The following CCBE1 variants were observed in gnomAD, a reference collection of about 807,000 sequenced individuals.
CCBE1 encodes collagen and calcium-binding EGF domain-containing protein 1.
Under a neutral mutation model 50.0 loss-of-function variants are expected in CCBE1, and 37 were observed. The ratio of observed to expected loss-of-function variants is 0.74; its 90% CI spans 0.57 to 0.97. The LOEUF (loss-of-function observed/expected upper bound fraction) is 0.97. CCBE1 is among the 50% of genes least tolerant of loss of function. CCBE1 has a pLI of 0.00. For missense variants in CCBE1, 538 were observed against 523.8 expected, an observed-to-expected ratio of 1.03 and a Z score of -0.26; for synonymous variants, 234 against 203.7, an observed-to-expected ratio of 1.15 and a Z score of -1.27.
chr18:59,670,125 G>A (rs1229486512), intron 2 of CCBE1, among the ~76,000 whole-genome samples: 1 of 148,816 alleles, frequency 6.7e-6, no homozygotes, highest in Non-Finnish European at 1.5e-5. Context: ...CAGAAAGCAG[G>A]AGGGGGTGGG....
At chr18:59,551,203 A>G (rs1915917998) in intron 2 of CCBE1, among the ~76,000 whole-genome samples, 1 of 152,148 alleles carries the variant, frequency 6.6e-6, no homozygotes, top group African/African-American at 2.4e-5. Flanking sequence ...GCTGTGGCCT[A>G]TGCTCTCAGG....
At chr18:59,697,536 ATC>A (rs145151709), upstream of CCBE1, 222 of 706,892 alleles carry the variant, frequency 3.1e-4, no homozygotes, top group African/African-American at 3.9e-3. Context: ...GAGTTGGGGT[ATC>A]GGATGCAAAC....
intron 6 of CCBE1, among the ~76,000 whole-genome samples, chr18:59,453,752 TAAAC>T (rs765154851): frequency 4.7e-4 from 72 of 152,274 alleles, no homozygotes; most frequent in Non-Finnish European, 9.3e-4. Context: ...TGGAAGCCGT[TAAAC>T]AAACAAAACA....
intron 2 of CCBE1, among the ~76,000 whole-genome samples, chr18:59,578,345 G>C (rs1268723250): frequency 1.3e-5 from 2 of 152,162 alleles, no homozygotes; most frequent in African/African-American, 4.8e-5. Flanking sequence ...TTACACTGTT[G>C]GTGGGAGTGT....
At chr18:59,458,182 A>ATCCATCTTCCCATCCAT (rs371639385) in intron 5 of CCBE1, among the ~76,000 whole-genome samples, 1 of 151,910 alleles carries the variant, frequency 6.6e-6, no homozygotes, top group African/African-American at 2.4e-5. Flanking sequence ...CCATCCTTCC[A>ATCCATCTTCCCATCCAT]TCCATCTTCC....
At chr18:59,572,230 A>C (rs1203872737) in intron 2 of CCBE1, among the ~76,000 whole-genome samples, 1 of 152,204 alleles carries the variant, frequency 6.6e-6, no homozygotes, top group African/African-American at 2.4e-5. Flanking sequence ...TCAATCCCTC[A>C]ATCAGCTTGC....
intron 2 of CCBE1, among the ~76,000 whole-genome samples, chr18:59,664,937 C>T (rs528791482): frequency 2.6e-5 from 4 of 152,170 alleles, no homozygotes; most frequent in Admixed American, 1.3e-4. Flanking sequence ...AAAGACTGAT[C>T]AACAGGCAGA....
chr18:59,587,882 A>G (rs1264573714), intron 2 of CCBE1, among the ~76,000 whole-genome samples: 4 of 152,224 alleles, frequency 2.6e-5, no homozygotes, highest in Non-Finnish European at 5.9e-5. Context: ...AGAGGCAACA[A>G]ATGAATTTTT....
rs1910139881 is a variant in CCBE1 at position 59,436,048 on chromosome 18, T to C, written c.1081A>G (p.Thr361Ala). ...ELQEKVFGHR[T>A]HSSAEEFPLP... The stretch of plus-strand genomic sequence containing the variant: ...GGGAACTCCTCTGCTGAAGAGTGAG[T>C]CCGGTGCCCGAACACCTTTTCCTGC... The change falls in exon 11 of 11, where the codon ACT becomes GCT. Residue 361 changes from threonine (T) to alanine (A), a missense_variant. Physicochemically the swap from Thr to Ala is moderately conservative, Grantham distance 58. Transcript: ENST00000439986. 1 of 1,613,956 alleles carries C rather than the reference T, an allele frequency of 6.2e-7. No homozygotes were observed. The highest frequency in any genetic ancestry group is 1.3e-5 in the African/African-American group (1 of 74,886).
chr18:59,458,341 C>T (rs889079619), intron 5 of CCBE1, among the ~76,000 whole-genome samples: 2 of 152,228 alleles, frequency 1.3e-5, no homozygotes, highest in Admixed American at 1.3e-4. Flanking sequence ...ATCTGTTTAA[C>T]AATTTTCAAT....
chr18:59,608,791 A>G (rs1332910331), intron 2 of CCBE1, among the ~76,000 whole-genome samples: 2 of 152,106 alleles, frequency 1.3e-5, no homozygotes, highest in Admixed American at 6.5e-5. Context: ...TCCTGTATTC[A>G]AAATAAAAGA....
chr18:59,504,707 G>C (rs1240268991), intron 2 of CCBE1, among the ~76,000 whole-genome samples: 1 of 152,128 alleles, frequency 6.6e-6, no homozygotes, highest in Non-Finnish European at 1.5e-5. Flanking sequence ...TAACCTGCTG[G>C]AGTCTGCGAT....
intron 2 of CCBE1, among the ~76,000 whole-genome samples, chr18:59,663,375 A>T (rs1307679639): frequency 6.6e-6 from 1 of 152,182 alleles, no homozygotes; most frequent in African/African-American, 2.4e-5. Flanking sequence ...TCAAGTCAAC[A>T]TATGTCCTGA....
At chr18:59,499,274 A>G (rs568264877) in intron 2 of CCBE1, among the ~76,000 whole-genome samples, 1 of 152,314 alleles carries the variant, frequency 6.6e-6, no homozygotes, top group African/African-American at 2.4e-5. Context: ...TAAAGTGAAG[A>G]ATCCTGACAT....
chr18:59,516,853 C>G lies in CCBE1; in HGVS notation c.213-36615G>C, dbSNP rs143836636. Among the ~76,000 whole-genome samples the G allele has an allele frequency of 3.8e-3, 584 of 152,312 alleles. 2 individuals are homozygous for G. The highest frequency in any genetic ancestry group is 6.5e-3 in the Non-Finnish European group (443 of 68,022). On this transcript the variant is annotated intron_variant, in intron 2 of 10. Transcript: ENST00000439986. Reference sequence around the variant, plus strand: ...TGCAAGCTGTCCACACCACTCTCTGCCAGGATAGATAGAGCCTTTGTCCAA... The same window carrying G: ...TGCAAGCTGTCCACACCACTCTCTGGCAGGATAGATAGAGCCTTTGTCCAA...
chr18:59,561,957 G>C (rs1309800455), intron 2 of CCBE1, among the ~76,000 whole-genome samples: 1 of 152,092 alleles, frequency 6.6e-6, no homozygotes, highest in Non-Finnish European at 1.5e-5. Context: ...TGCCCCCTGA[G>C]GTGTTCTTTC....
At chr18:59,658,322 A>T (rs57253686) in intron 2 of CCBE1, among the ~76,000 whole-genome samples, 12,632 of 23,268 alleles carry the variant, frequency 0.54, 2,201 homozygotes, top group African/African-American at 0.59. Flanking sequence ...CCCTGTCTCT[A>T]AAAAAAAAAA....
intron 10 of CCBE1, among the ~76,000 whole-genome samples, 166 bp from the exon 11 acceptor site, chr18:59,436,307 G>T (rs1910156706): frequency 6.6e-6 from 1 of 152,104 alleles, no homozygotes; most frequent in African/African-American, 2.4e-5. Flanking sequence ...CCTCCATATT[G>T]TTTTCTAATT....
chr18:59,634,272 C>T (rs759212808), intron 2 of CCBE1, among the ~76,000 whole-genome samples: 47 of 152,204 alleles, frequency 3.1e-4, no homozygotes, highest in Non-Finnish European at 5.9e-4. Flanking sequence ...GGGAAACTTA[C>T]TCATTTGGGC....
Sources: allele counts gnomAD v4.1 joint callset (sites outside exome capture counted in the v4.1 genomes callset), GRCh38; gene constraint gnomAD v4.1.1; transcripts MANE v1.5; gene names NCBI Gene and HGNC (gene_info 2026-07-23, HGNC 2026-07-21).